Variants in COASY observed in about 807,000 individuals in gnomAD.
The protein encoded by COASY is Coenzyme A synthase.
COASY carries 31 observed loss-of-function variants against 49.4 expected under a neutral mutation model. The ratio of observed to expected loss-of-function variants is 0.63; its 90% CI spans 0.47 to 0.85. COASY has a LOEUF of 0.85. Ranked by LOEUF, COASY falls within the 40% of genes least tolerant of loss-of-function variation. COASY has a pLI of 0.00. For synonymous variants in COASY, 285 were observed against 310.9 expected (o/e 0.92, Z 0.88); for missense variants, 730 against 734.1 (o/e 0.99, Z 0.06).
chr17:42,565,749 G>C lies in COASY; in HGVS notation c.1576G>C (p.Glu526Gln). The C allele has an allele frequency of 1.1e-5, 18 of 1,613,960 alleles. No homozygotes were observed. Among genetic ancestry groups the C allele is most frequent in the Non-Finnish European group, 1.5e-5 (18 of 1,180,040 alleles). ...QSQMSGQQLV[E>Q]QSHVVLSTLW... ...CCAGATGAGCGGGCAGCAGCTTGTG[G>C]AACAGAGCCACGTGGTGCTCAGCAC... Residue 526 changes from glutamate to glutamine, a missense_variant, in exon 8 of 9, where the codon GAA becomes CAA. Physicochemically the swap from Glu to Gln is conservative, Grantham distance 29. Coordinates refer to ENST00000393818, the MANE Select transcript of COASY (RefSeq NM_025233.7).
In COASY at chr17:42,565,476, C is replaced by A. The variant is rs146857074; in HGVS notation, c.1393C>A (p.Arg465Ser). Reference protein sequence around the residue: ...EMDRAVAEGKRVCVIDAAVLL... With the variant: ...EMDRAVAEGKSVCVIDAAVLL... ...TGACTGGGGTCTCCCCACAGGAAAG[C>A]GTGTGTGTGTGATTGATGCCGCTGT... The change falls in exon 7 of 9, where the codon CGT becomes AGT. Residue 465 changes from arginine (R) to serine (S), a missense_variant. Arg to Ser is a moderately radical substitution (Grantham distance 110). Transcript: ENST00000393818. 2 of 1,613,524 alleles carry A rather than the reference C, an allele frequency of 1.2e-6. No individual in the cohort carries two copies. Among genetic ancestry groups the A allele is most frequent in the Non-Finnish European group, 1.7e-6 (2 of 1,179,646 alleles).
chr17:42,565,331 G>C lies in COASY; in HGVS notation c.1387+20G>C, dbSNP rs1229481789. On this transcript the variant is annotated intron_variant, in intron 6 of 8. Transcript: ENST00000393818. The stretch of plus-strand genomic sequence containing the variant: ...CTGAGGGTGAGTGGGAGGGAGGATG[G>C]CAACAGCTAAGGGGACAGTTAAGCT... 1 of 1,613,456 alleles carries C rather than the reference G, an allele frequency of 6.2e-7. No homozygotes were observed. Among genetic ancestry groups the C allele is most frequent in the East Asian group, 2.2e-5 (1 of 44,884 alleles).
chr17:42,564,232 T>C (rs558207258), intron 2 of COASY, 57 bp downstream of exon 2: 2 of 1,550,226 alleles, frequency 1.3e-6, no homozygotes, highest in Non-Finnish European at 1.8e-6. Context: ...AAGGCCATTT[T>C]GAGGGGGCTG....
In COASY at chr17:42,562,618, G is replaced by A. The variant is rs1224479994; in HGVS notation, c.-5G>A. On this transcript the variant is annotated 5_prime_UTR_variant, in exon 1 of 9. Transcript: ENST00000393818. ...TCTCCCTGACTGTCCGCAGGCCTGG[G>A]CAGCATGGCCGTATTCCGGTCGGGT... 4.6e-6 allele frequency: 7 copies of A among 1,530,206 alleles called. No homozygotes were observed. In the Admixed American group the frequency reaches 6.2e-5, roughly 14 times the overall value. 94.8% of individuals were successfully genotyped at this position (1,530,206 alleles called of 1,614,324 possible). A position where few individuals can be genotyped will look rare whatever the true frequency, so the allele number is the denominator to read the frequency against.
Position 42,562,708 on chromosome 17 carries a change from C to T in COASY, c.86C>T (p.Ala29Val), listed in dbSNP as rs2143190889. 2 of 1,568,882 alleles carry T rather than the reference C, an allele frequency of 1.3e-6. No homozygotes were observed. The highest frequency in any genetic ancestry group is 8.6e-7 in the Non-Finnish European group (1 of 1,156,786). ...CGCCTGGCCTCCATCCTGACCTCGG[C>T]GGCCCGGCTGGTGAATCACACACTC... ...APRLASILTSAARLVNHTLYV... is the reference protein window; with the variant it reads ...APRLASILTSVARLVNHTLYV... The change falls in exon 1 of 9, where the codon GCG (alanine) becomes GTG (valine). Residue 29 changes from alanine to valine, a missense_variant. Ala to Val is a moderately conservative substitution (Grantham distance 64). Coordinates refer to ENST00000393818, the MANE Select transcript of COASY (RefSeq NM_025233.7).
intron 3 of COASY, 58 bp downstream of exon 3, chr17:42,564,635 A>G: frequency 6.4e-7 from 1 of 1,559,622 alleles, no homozygotes; most frequent in Admixed American, 1.9e-5. Flanking sequence ...TGGAGAGTAG[A>G]AGCTGAGGGG....
chr17:42,563,407 G>A, intron 1 of COASY, 85 bp downstream of exon 1: 1 of 1,311,862 alleles, frequency 7.6e-7, no homozygotes, highest in Non-Finnish European at 1.0e-6. Flanking sequence ...AGGAAGGGTA[G>A]GGCCATTCAT....
intron 1 of COASY, 126 bp from the exon 2 acceptor site, chr17:42,563,835 T>C (rs1048248118): frequency 4.4e-6 from 3 of 685,304 alleles, no homozygotes; most frequent in Non-Finnish European, 7.5e-6. Context: ...CCATAGGCCT[T>C]ACCAGTTGAA....
At position 42,562,324 on chromosome 17, in the gene COASY, TC is replaced by T; in HGVS notation, c.-295del. 7.9e-7 allele frequency: 1 copy of T among 1,266,936 alleles called. No individual in the cohort carries two copies. The highest frequency in any genetic ancestry group is 1.1e-6 in the Non-Finnish European group (1 of 880,558). 78.5% of individuals were successfully genotyped at this position (1,266,936 alleles called of 1,614,324 possible). On this transcript the variant is annotated 5_prime_UTR_variant, in exon 1 of 9. Coordinates refer to ENST00000393818, the MANE Select transcript of COASY (RefSeq NM_025233.7). ...AGCAAGAGGGCCCAGGATTTTTGGATCCCCAGCCCTGTGACAAGGGTTCCTG... is the reference window on the plus strand; with the variant it reads ...AGCAAGAGGGCCCAGGATTTTTGGATCCCAGCCCTGTGACAAGGGTTCCTG...
At position 42,565,489 on chromosome 17, in the gene COASY, T is replaced by C. The variant is rs370378776; in HGVS notation, c.1406T>C (p.Ile469Thr). The change falls in exon 7 of 9, where the codon ATT (isoleucine) becomes ACT (threonine). Residue 469 changes from isoleucine (I) to threonine (T), a missense_variant. By Grantham distance (89) the Ile-to-Thr change is moderately conservative. Coordinates refer to ENST00000393818, the MANE Select transcript of COASY (RefSeq NM_025233.7). ...CCCACAGGAAAGCGTGTGTGTGTGATTGATGCCGCTGTGTTGCTTGAAGCC... is the reference window on the plus strand; with the variant it reads ...CCCACAGGAAAGCGTGTGTGTGTGACTGATGCCGCTGTGTTGCTTGAAGCC... ...AVAEGKRVCV[I>T]DAAVLLEAGW... 4.2e-5 allele frequency: 68 copies of C among 1,614,056 alleles called. No homozygotes were observed. Among genetic ancestry groups the C allele is most frequent in the Non-Finnish European group, 5.3e-5 (63 of 1,180,034 alleles).
rs776636915 is a variant in COASY, at chr17:42,562,389, G to A, written c.-234G>A. ...TCCCAGGATTTCGACTCAGTTCAGC[G>A]AAGTCACCGCCCCGTCTGAGAAATG... On this transcript the variant is annotated 5_prime_UTR_variant, in exon 1 of 9. Coordinates refer to ENST00000393818, the MANE Select transcript of COASY (RefSeq NM_025233.7). The A allele has an allele frequency of 6.2e-7, 1 of 1,612,532 alleles. No homozygotes were observed. The highest frequency in any genetic ancestry group is 1.7e-5 in the Admixed American group (1 of 59,976).
intron 6 of COASY, 72 bp downstream of exon 6, chr17:42,565,383 C>T (rs892830835): frequency 6.2e-7 from 1 of 1,606,702 alleles, no homozygotes; most frequent in Non-Finnish European, 8.5e-7. Flanking sequence ...GCTTCCCTGC[C>T]CAACGTGGGA....
chr17:42,564,795 GA>G lies in COASY; in HGVS notation c.1136del (p.Lys379ArgfsTer48). 6.5e-7 allele frequency: 1 copy of G among 1,547,880 alleles called. No individual in the cohort carries two copies. The highest frequency in any genetic ancestry group is 8.7e-7 in the Non-Finnish European group (1 of 1,152,002). On this transcript the variant is annotated frameshift_variant, in exon 4 of 9. Transcript: ENST00000393818. LOFTEE classifies it high-confidence loss of function. ...GGAAGAGCTCAATAGCTCAGCGACT[GA>G]AGGGCCTGGGGGCGTTTGTCATTGA... ...SGKSSIAQRL[K>X]GLGAFVIDSD...
intron 1 of COASY, 195 bp downstream of exon 1, chr17:42,563,517 C>A: frequency 1.7e-6 from 1 of 603,190 alleles, no homozygotes; most frequent in African/African-American, 1.8e-5. Flanking sequence ...GTCCAGTCAC[C>A]ACTCAATCAG....
At chr17:42,563,655 A>T (rs2092988470) in intron 1 of COASY, 1 of 508,568 alleles carries the variant, frequency 2.0e-6, no homozygotes, top group African/African-American at 1.9e-5. Context: ...AGGAGGAGGA[A>T]ACTCAAGCAT....
Position 42,562,442 on chromosome 17 carries a change from C to A in COASY, c.-181C>A. 2 of 1,613,906 alleles carry A rather than the reference C, an allele frequency of 1.2e-6. No individual in the cohort carries two copies. Among genetic ancestry groups the A allele is most frequent in the South Asian group, 1.1e-5 (1 of 91,088 alleles). The stretch of plus-strand genomic sequence containing the variant: ...GACACCAAGGCTTAGAGCACAGCCC[C>A]GAGGCGCCGTCTACCAGGCCCCGTC... On this transcript the variant is annotated 5_prime_UTR_variant, in exon 1 of 9. Coordinates refer to ENST00000393818, the MANE Select transcript of COASY (RefSeq NM_025233.7).
At chr17:42,563,482 A>G (rs952667915) in intron 1 of COASY, 160 bp downstream of exon 1, 1 of 677,408 alleles carries the variant, frequency 1.5e-6, no homozygotes, top group Non-Finnish European at 2.4e-6. Context: ...CCATTTTGTC[A>G]AATGAACAGC....
chr17:42,562,450 C>CAGA lies in COASY; in HGVS notation c.-173_-172insAGA. On this transcript the variant is annotated 5_prime_UTR_variant, in exon 1 of 9. Transcript: ENST00000393818. ...GGCTTAGAGCACAGCCCCGAGGCGC[C>CAGA]GTCTACCAGGCCCCGTCCCCTCCCC... is the stretch of plus-strand genomic sequence containing the variant. The CAGA allele has an allele frequency of 1.9e-6, 3 of 1,613,890 alleles. No individual in the cohort carries two copies. Among genetic ancestry groups the CAGA allele is most frequent in the Non-Finnish European group, 2.5e-6 (3 of 1,179,878 alleles).
rs556712407 is a variant in COASY at position 42,562,750 on chromosome 17, C to T, written c.128C>T (p.Pro43Leu). The change falls in exon 1 of 9, where the codon CCG becomes CTG. Residue 43 changes from proline to leucine, a missense_variant. Pro to Leu is a moderately conservative substitution (Grantham distance 98, BLOSUM62 -3). Transcript: ENST00000393818. Reference sequence around the variant, plus strand: ...CACACACTCTATGTTCACCTGCAGCCGGGCATGAGCCTGGAGGGCCCGGCT... The same window carrying T: ...CACACACTCTATGTTCACCTGCAGCTGGGCATGAGCCTGGAGGGCCCGGCT... ...VNHTLYVHLQ[P>L]GMSLEGPAQP... The T allele has an allele frequency of 4.4e-6, 7 of 1,593,300 alleles. No individual in the cohort carries two copies. The highest frequency in any genetic ancestry group is 2.3e-5 in the East Asian group (1 of 44,398).
Sources: gnomAD v4.1 joint callset for allele counts on GRCh38, gnomAD v4.1.1 for gene constraint, MANE v1.5 for transcripts, NCBI Gene and HGNC (gene_info 2026-07-23, HGNC 2026-07-21) for gene names.